EIF2B4: variants seen among roughly 807,000 people sequenced by gnomAD.
EIF2B4 encodes the protein eukaryotic translation initiation factor 2B subunit delta.
Under a neutral mutation model 66.7 loss-of-function variants are expected in EIF2B4, and 34 were observed. The observed-to-expected ratio is 0.51, with a 90% CI of 0.39 to 0.68. The LOEUF (loss-of-function observed/expected upper bound fraction) is 0.68, where lower values mean the gene tolerates loss of function less well. EIF2B4 is among the 30% of genes least tolerant of loss of function. The pLI is 0.00. For synonymous variants in EIF2B4, 278 were observed against 253.6 expected, an observed-to-expected ratio of 1.10 and a Z score of -0.92; for missense variants, 618 against 657.9, an observed-to-expected ratio of 0.94 and a Z score of 0.66.
chr2:27,366,928 A>G lies in EIF2B4; in HGVS notation c.1022T>C (p.Leu341Pro). Residue 341 changes from leucine to proline, a missense_variant, in exon 11 of 13, where the codon CTG (leucine) becomes CCG (proline). This residue lies in a region of EIF2B4 where 506 missense variants were observed against 511.9 expected (regional missense o/e 0.99). Coordinates refer to ENST00000347454, the MANE Select transcript of EIF2B4 (RefSeq NM_001034116.2). Reference sequence around the variant, plus strand: ...AGCCTCCTGAAGAATTCGTGATACCAGAGATGAGCTAGAGTGAATGAAGAG... The same window carrying G: ...AGCCTCCTGAAGAATTCGTGATACCGGAGATGAGCTAGAGTGAATGAAGAG... ...DVILVYGCSS[L>P]VSRILQEAWT... 6.2e-7 allele frequency: 1 copy of G among 1,614,218 alleles called. No individual in the cohort carries two copies. The highest frequency in any genetic ancestry group is 8.5e-7 in the Non-Finnish European group (1 of 1,180,042).
At chr2:27,366,328 G>A (rs903024758) in intron 11 of EIF2B4, 1 of 277,368 alleles carries the variant, frequency 3.6e-6, no homozygotes, top group Non-Finnish European at 7.1e-6. Context: ...TCCTGCCTTA[G>A]TGCTGAGATT....
chr2:27,368,564 C>T, intron 5 of EIF2B4, 90 bp downstream of exon 5: 4 of 1,566,440 alleles, frequency 2.6e-6, no homozygotes, highest in Non-Finnish European at 8.8e-7. Flanking sequence ...ACCCAAGCAC[C>T]TATCCTTCTC....
intron 2 of EIF2B4, 72 bp from the exon 3 acceptor site, chr2:27,369,621 C>A: frequency 6.2e-7 from 1 of 1,609,554 alleles, no homozygotes; most frequent in African/African-American, 1.3e-5. Context: ...TGGATGCTTA[C>A]AAGATTTCCA....
At chr2:27,367,242 T>C in intron 9 of EIF2B4, 41 bp from the exon 10 acceptor site, 2 of 1,613,838 alleles carry the variant, frequency 1.2e-6, no homozygotes, top group Non-Finnish European at 1.7e-6. Flanking sequence ...AAATGGACAC[T>C]TTTATCCCTC....
chr2:27,366,943 T>C lies in EIF2B4; in HGVS notation c.1014-7A>G, dbSNP rs2280737. The C allele has an allele frequency of 0.39, 628,762 of 1,613,664 alleles. 125,907 individuals are homozygous for C. The highest frequency in any genetic ancestry group is 0.52 in the Admixed American group (31,165 of 59,998). On this transcript the variant is annotated splice_region_variant and splice_polypyrimidine_tract_variant and intron_variant, in intron 10 of 12. Coordinates refer to ENST00000347454, the MANE Select transcript of EIF2B4 (RefSeq NM_001034116.2). ...TCGTGATACCAGAGATGAGCTAGAG[T>C]GAATGAAGAGGAGGATTCAGTTATA...
rs1260694265 is a variant in EIF2B4 at position 27,368,398 on chromosome 2, T to G, written c.564A>C (p.Arg188Ser). Residue 188 changes from arginine to serine, a missense_variant, in exon 6 of 13, where the codon AGA (arginine) becomes AGC (serine). By Grantham distance (110) the Arg-to-Ser change is moderately radical (BLOSUM62 -1). Coordinates refer to ENST00000347454, the MANE Select transcript of EIF2B4 (RefSeq NM_001034116.2). ...TCATAAACTGGGTCAGAGAGTTTTG[T>G]CTGCTGTACTGGGGTAGGTGAGAGA... The part of the protein sequence containing the change: ...SLFSHLPQYS[R>S]QNSLTQFMSI... 7 of 1,613,986 alleles carry G rather than the reference T, an allele frequency of 4.3e-6. No homozygotes were observed. The Admixed American group carries it at 1.2e-4, about 27-fold the overall frequency.
chr2:27,368,201 C>A, intron 6 of EIF2B4, 62 bp from the exon 7 acceptor site: 1 of 1,420,604 alleles, frequency 7.0e-7, no homozygotes, highest in Non-Finnish European at 9.8e-7. Flanking sequence ...GCCCACCTGC[C>A]CCTGATGAAA....
Position 27,364,541 on chromosome 2 carries a change from C to G in EIF2B4, c.1431G>C (p.Gln477His), listed in dbSNP as rs754244635. 10 of 1,614,126 alleles carry G rather than the reference C, an allele frequency of 6.2e-6. No homozygotes were observed. Among genetic ancestry groups the G allele is most frequent in the Admixed American group, 3.3e-5 (2 of 60,008 alleles). ...RGEHVALANWQNHASLRLLNL... is the reference protein window; with the variant it reads ...RGEHVALANWHNHASLRLLNL... ...TCAACAACCGTAGGGATGCGTGGTT[C>G]TGCCAGTTAGCCAGCGCAACATGTT... Residue 477 changes from glutamine to histidine, a missense_variant, in exon 13 of 13, where the codon CAG becomes CAC. This residue lies in a region of EIF2B4 where 63 missense variants were observed against 47.5 expected (regional missense o/e 1.33). Transcript: ENST00000347454.
chr2:27,364,939 G>A (rs774024750), intron 11 of EIF2B4, 41 bp from the exon 12 acceptor site: 5 of 1,597,454 alleles, frequency 3.1e-6, no homozygotes, highest in Non-Finnish European at 4.3e-6. Flanking sequence ...TGTCATTGTT[G>A]TATCAATGCA....
At chr2:27,370,103 G>T in intron 1 of EIF2B4, 181 bp downstream of exon 1, 1 of 1,512,880 alleles carries the variant, frequency 6.6e-7, no homozygotes, top group South Asian at 1.3e-5. Context: ...AGGGGTCACC[G>T]ACCCTCCTCA....
intron 2 of EIF2B4, 24 bp downstream of exon 2, chr2:27,369,852 G>T (rs763945658): frequency 6.4e-7 from 1 of 1,564,764 alleles, no homozygotes; most frequent in Non-Finnish European, 8.7e-7. Flanking sequence ...TTGGCAGGCG[G>T]CTTGGGAGGG....
chr2:27,364,874 G>T lies in EIF2B4; in HGVS notation c.1216C>A (p.His406Asn). 1 of 1,614,116 alleles carries T rather than the reference G, an allele frequency of 6.2e-7. No individual in the cohort carries two copies. The highest frequency in any genetic ancestry group is 1.3e-5 in the African/African-American group (1 of 75,024). Reference protein sequence around the residue: ...PEVSKVLLGAHALLANGSVMS... With the variant: ...PEVSKVLLGANALLANGSVMS... ...ACAGACCCGTTGGCCAAGAGTGCAT[G>T]AGCTCCCAATAGCACCTTGGAAACC... Residue 406 changes from histidine (H) to asparagine (N), a missense_variant, in exon 12 of 13, where the codon CAT (histidine) becomes AAT (asparagine). Transcript: ENST00000347454.
intron 3 of EIF2B4, 88 bp from the exon 4 acceptor site, chr2:27,369,300 C>G (rs1210423265): frequency 2.2e-5 from 35 of 1,605,672 alleles, no homozygotes; most frequent in Admixed American, 3.3e-5. Flanking sequence ...TTGTAAACCT[C>G]TTTGCTTTAC....
Sources: allele counts gnomAD v4.1 joint callset, GRCh38; gene constraint gnomAD v4.1.1; regional missense constraint gnomAD v4.1.1; transcripts MANE v1.5; gene names NCBI Gene and HGNC (gene_info 2026-07-23, HGNC 2026-07-21).